FYB1: variants seen among roughly 807,000 people sequenced by gnomAD.
The protein encoded by FYB1 is FYN-binding protein 1.
Under a neutral mutation model 94.1 loss-of-function variants are expected in FYB1, and 41 were observed. The observed-to-expected ratio is 0.44, with a 90% CI of 0.34 to 0.57. FYB1 has a LOEUF of 0.57. Among genes scored for constraint, FYB1 ranks in the 20% least tolerant of loss-of-function variants. The pLI is 0.02. For synonymous variants in FYB1, 367 were observed against 353.2 expected, an observed-to-expected ratio of 1.04 and a Z score of -0.44; for missense variants, 1,050 against 976.8, an observed-to-expected ratio of 1.07 and a Z score of -1.00.
rs572125845 is a variant in FYB1, at chr5:39,234,847, A to G, written c.-27-31860T>C. On this transcript the variant is annotated intron_variant, in intron 1 of 1. Coordinates refer to the FYB1 transcript ENST00000510188. The stretch of plus-strand genomic sequence containing the variant: ...TAAGTGGGAGTTGAACAACGAGAAC[A>G]CATGGACACAGGGAGGGGAACATCA... 3.5e-4 allele frequency among the ~76,000 whole-genome samples: 54 copies of G among 152,214 alleles called. 1 individual carries two copies. The highest frequency in any genetic ancestry group is 3.3e-3 in the Admixed American group (51 of 15,256).
At chr5:39,120,224 TTGTGTGTGTGTGTG>T (rs10532379) in intron 14 of FYB1, among the ~76,000 whole-genome samples, 1 of 147,652 alleles carries the variant, frequency 6.8e-6, no homozygotes, top group African/African-American at 2.5e-5. Flanking sequence ...CCTTTATCAA[TTGTGTGTGTGTGTG>T]TGTGTGTGTG....
At chr5:39,156,341 T>C (rs1433657178) in intron 2 of FYB1, among the ~76,000 whole-genome samples, 1 of 152,208 alleles carries the variant, frequency 6.6e-6, no homozygotes, top group African/African-American at 2.4e-5. Context: ...CTTGCTCTTC[T>C]ACCGGACTTG....
intron 1 of FYB1, among the ~76,000 whole-genome samples, chr5:39,204,757 T>G (rs1351654520): frequency 1.3e-5 from 2 of 152,254 alleles, no homozygotes; most frequent in African/African-American, 4.8e-5. Context: ...CAAGAGTTTC[T>G]GTCCATACCA....
At position 39,201,869 on chromosome 5, in the gene FYB1, T is replaced by C; in HGVS notation, c.1092A>G (p.Pro364=). 12 of 1,613,854 alleles carry C rather than the reference T, an allele frequency of 7.4e-6. No individual in the cohort carries two copies. The highest frequency in any genetic ancestry group is 1.0e-5 in the Non-Finnish European group (12 of 1,179,814). Residue 364 remains proline, a synonymous_variant, in exon 2 of 19, where the codon CCA becomes CCG. Transcript: ENST00000512982. ...GPPPPKPNRP[P]NVDLTKFHKT... Reference sequence around the variant, plus strand: ...TGTGGAATTTCGTCAGGTCAACATTTGGTGGTCTGTTGGGTTTTGGTGGAG... The same window carrying C: ...TGTGGAATTTCGTCAGGTCAACATTCGGTGGTCTGTTGGGTTTTGGTGGAG...
intron 1 of FYB1, among the ~76,000 whole-genome samples, chr5:39,224,734 G>A (rs953758994): frequency 6.6e-6 from 1 of 152,154 alleles, no homozygotes. Flanking sequence ...TATCAGAGAA[G>A]CATTACGATC....
At chr5:39,164,889 A>T (rs1203600637) in intron 2 of FYB1, among the ~76,000 whole-genome samples, 1 of 152,248 alleles carries the variant, frequency 6.6e-6, no homozygotes, top group Non-Finnish European at 1.5e-5. Context: ...AGACCAGGCA[A>T]AGAATTGTAA....
intron 3 of FYB1, among the ~76,000 whole-genome samples, chr5:39,148,155 T>TATATATATATATATATATA (rs1332920550): frequency 2.7e-5 from 1 of 37,658 alleles, no homozygotes; most frequent in African/African-American, 1.3e-4. Flanking sequence ...TATGTATTTT[T>TATATATATATATATATATA]TATATATATA....
chr5:39,193,061 C>T (rs528912618), intron 2 of FYB1, among the ~76,000 whole-genome samples: 1 of 152,282 alleles, frequency 6.6e-6, no homozygotes, highest in African/African-American at 2.4e-5. Flanking sequence ...ACAGTCCAGG[C>T]ATCCAGACCT....
intron 10 of FYB1, among the ~76,000 whole-genome samples, chr5:39,128,246 A>G (rs1244921137): frequency 6.6e-6 from 1 of 152,158 alleles, no homozygotes; most frequent in East Asian, 1.9e-4. Flanking sequence ...TAGTTGAAAC[A>G]GAAAGAAGTG....
chr5:39,222,012 A>ATAAAATAAAATAAAG (rs1460678550), upstream of FYB1, among the ~76,000 whole-genome samples: 3 of 151,638 alleles, frequency 2.0e-5, no homozygotes, highest in Non-Finnish European at 1.5e-5. Flanking sequence ...CAAAAATAAA[A>ATAAAATAAAATAAAG]TAAAATAAAA....
In FYB1 at chr5:39,135,007, C is replaced by T; in HGVS notation, c.1523G>A (p.Gly508Asp). The change falls in exon 8 of 19, where the codon GGC (glycine) becomes GAC (aspartate). Residue 508 changes from glycine to aspartate, a missense_variant. Gly to Asp is a moderately conservative substitution (Grantham distance 94). Coordinates refer to ENST00000512982, the MANE Select transcript of FYB1 (RefSeq NM_001465.6). ...QEIKKKFKLT[G>D]PIQVIHLAKA... Reference sequence around the variant, plus strand: ...TGCAAGATGGATGACTTGAATAGGGCCTGTTAGCTGCAAAGAGAAAAAAAT... The same window carrying T: ...TGCAAGATGGATGACTTGAATAGGGTCTGTTAGCTGCAAAGAGAAAAAAAT... 6 of 1,612,578 alleles carry T rather than the reference C, an allele frequency of 3.7e-6. No homozygotes were observed. The highest frequency in any genetic ancestry group is 4.2e-6 in the Non-Finnish European group (5 of 1,179,344).
intron 2 of FYB1, chr5:39,169,789 C>A (rs1027554232): frequency 2.0e-6 from 1 of 497,140 alleles, no homozygotes; most frequent in South Asian, 1.7e-5. Flanking sequence ...TTTGATGATG[C>A]ATTTTCCAAA....
At chr5:39,268,228 ATTTCTTTT>A (rs1223850284) in intron 1 of FYB1, among the ~76,000 whole-genome samples, 2 of 150,616 alleles carry the variant, frequency 1.3e-5, no homozygotes, top group African/African-American at 4.9e-5. Context: ...GTATATTTAT[ATTTCTTTT>A]TTTCTTTTTT....
chr5:39,233,956 A>C (rs2150575689), intron 1 of FYB1, among the ~76,000 whole-genome samples: 1 of 152,058 alleles, frequency 6.6e-6, no homozygotes, highest in East Asian at 1.9e-4. Flanking sequence ...GGACTTGATG[A>C]CTCCCAGGCA....
intron 1 of FYB1, among the ~76,000 whole-genome samples, chr5:39,231,758 T>TTTTTTTTTTTTTTTTTTTGAGA (rs1561294607): frequency 6.6e-6 from 1 of 152,032 alleles, no homozygotes; most frequent in African/African-American, 2.4e-5. Context: ...TATTTCTCTT[T>TTTTTTTTTTTTTTTTTTTGAGA]CACAGAGGGG....
chr5:39,246,713 G>A (rs1751491706), intron 1 of FYB1, among the ~76,000 whole-genome samples: 2 of 152,172 alleles, frequency 1.3e-5, no homozygotes. Flanking sequence ...AGTATACCTA[G>A]ATAAGGGAAT....
intron 1 of FYB1, among the ~76,000 whole-genome samples, chr5:39,238,823 C>A (rs967259314): frequency 6.6e-6 from 1 of 152,174 alleles, no homozygotes; most frequent in South Asian, 2.1e-4. Flanking sequence ...CTTCTTTCCT[C>A]CAACAGCTAG....
intron 12 of FYB1, among the ~76,000 whole-genome samples, chr5:39,124,817 T>A (rs1394973706): frequency 6.6e-6 from 1 of 151,908 alleles, no homozygotes; most frequent in Non-Finnish European, 1.5e-5. Flanking sequence ...TGAGAGCTTA[T>A]TAATTAAAGT....
intron 2 of FYB1, among the ~76,000 whole-genome samples, chr5:39,196,724 T>C (rs547863631): frequency 7.8e-4 from 119 of 152,262 alleles, no homozygotes; most frequent in African/African-American, 2.8e-3. Context: ...TTCATTGTCT[T>C]GTGATATTCT....
Sources: gnomAD v4.1 joint callset for allele counts (sites outside exome capture counted in the v4.1 genomes callset) on GRCh38, gnomAD v4.1.1 for gene constraint, MANE v1.5 for transcripts, NCBI Gene and HGNC (gene_info 2026-07-23, HGNC 2026-07-21) for gene names.